NRXN3: variants seen among roughly 807,000 people sequenced by gnomAD.
NRXN3 encodes neurexin III.
Under a neutral mutation model 137.6 loss-of-function variants are expected in NRXN3, and 32 were observed. The ratio of observed to expected loss-of-function variants is 0.23; its 90% confidence interval spans 0.18 to 0.31. The LOEUF (loss-of-function observed/expected upper bound fraction) is 0.31. NRXN3 is among the 10% of genes least tolerant of loss of function. The probability of loss-of-function intolerance (pLI) is 1.00; values close to 1 mark genes in which losing one functional copy is unlikely to be tolerated. For missense variants in NRXN3, 1,574 were observed against 2,062.5 expected, an observed-to-expected ratio of 0.76 and a Z score of 4.59; for synonymous variants, 798 against 784.5, an observed-to-expected ratio of 1.02 and a Z score of -0.29.
At chr14:79,465,334 T>A (rs1242037609) in intron 15 of NRXN3, among the ~76,000 whole-genome samples, 1 of 152,204 alleles carries the variant, frequency 6.6e-6, no homozygotes, top group Non-Finnish European at 1.5e-5. Flanking sequence ...AGACTTTGCA[T>A]ACCACAATTC....
At chr14:79,392,226 T>C (rs1181822951) in intron 15 of NRXN3, among the ~76,000 whole-genome samples, 1 of 152,190 alleles carries the variant, frequency 6.6e-6, no homozygotes, top group African/African-American at 2.4e-5. Context: ...CTCCCACTTA[T>C]GAGTGAGAAC....
In NRXN3 at chr14:78,926,647, TAA is replaced by T. The variant is rs1421344293; in HGVS notation, c.2276-30594_2276-30593del. On this transcript the variant is annotated intron_variant, in intron 10 of 20. Coordinates refer to ENST00000335750, the MANE Select transcript of NRXN3 (RefSeq NM_001330195.2). ...TTTATATATAATATATATTTATATATAATATATATATTTATTATATATATAAT... is the reference window on the plus strand; with the variant it reads ...TTTATATATAATATATATTTATATATTATATATATTTATTATATATATAAT... 8.3e-5 allele frequency among the ~76,000 whole-genome samples: 8 copies of T among 96,008 alleles called. 1 individual carries two copies. In the South Asian group the frequency reaches 1.3e-3, roughly 16 times the overall value. 63.0% of individuals were successfully genotyped at this position (96,008 alleles called of 152,430 possible).
chr14:78,807,724 G>T (rs2098882785), intron 9 of NRXN3, among the ~76,000 whole-genome samples: 1 of 134,118 alleles, frequency 7.5e-6, no homozygotes, highest in African/African-American at 3.0e-5. Flanking sequence ...AATAAAGTGA[G>T]ATTCTGTCTC....
intron 3 of NRXN3, among the ~76,000 whole-genome samples, chr14:78,288,459 A>G (rs1051499647): frequency 6.6e-6 from 1 of 152,142 alleles, no homozygotes; most frequent in African/African-American, 2.4e-5. Context: ...GGACTTGTGC[A>G]GTTGGTTTAT....
chr14:78,961,336 C>T (rs960291524), intron 11 of NRXN3, among the ~76,000 whole-genome samples: 6 of 151,934 alleles, frequency 3.9e-5, no homozygotes, highest in Admixed American at 3.3e-4. Flanking sequence ...ACCTTGACCC[C>T]AAAGCAAATG....
At chr14:79,145,419 A>G (rs1312454781) in intron 15 of NRXN3, among the ~76,000 whole-genome samples, 1 of 152,138 alleles carries the variant, frequency 6.6e-6, no homozygotes, top group Non-Finnish European at 1.5e-5. Context: ...TCCACTTTTG[A>G]TACTCAGAAT....
chr14:78,359,604 A>G (rs2084822391), intron 4 of NRXN3, among the ~76,000 whole-genome samples: 1 of 152,182 alleles, frequency 6.6e-6, no homozygotes, highest in Non-Finnish European at 1.5e-5. Context: ...ATGCCAGCTG[A>G]TGGTCCTCTT....
chr14:79,136,485 C>G (rs2058241908), intron 15 of NRXN3, among the ~76,000 whole-genome samples: 1 of 152,192 alleles, frequency 6.6e-6, no homozygotes, highest in Non-Finnish European at 1.5e-5. Flanking sequence ...CTCTACTTCT[C>G]TGTTTCCCAA....
chr14:78,603,308 A>AT (rs919405605), intron 4 of NRXN3, among the ~76,000 whole-genome samples: 2 of 151,898 alleles, frequency 1.3e-5, no homozygotes, highest in African/African-American at 4.8e-5. Flanking sequence ...GTTTTGATAT[A>AT]TTTTTTCTTG....
At chr14:79,021,373 C>T (rs567678145) in intron 15 of NRXN3, among the ~76,000 whole-genome samples, 42 of 152,320 alleles carry the variant, frequency 2.8e-4, no homozygotes, top group African/African-American at 1.0e-3. Context: ...TCTTCAGCTT[C>T]ATGCTGGCTT....
intron 1 of NRXN3, among the ~76,000 whole-genome samples, chr14:78,205,636 G>A (rs182292103): frequency 5.0e-4 from 76 of 152,346 alleles, no homozygotes; most frequent in Admixed American, 3.8e-3. Flanking sequence ...AGGGACAGCA[G>A]GGTGCATTAG....
intron 11 of NRXN3, among the ~76,000 whole-genome samples, chr14:78,961,477 CA>C (rs375720223): frequency 6.6e-6 from 1 of 151,718 alleles, no homozygotes; most frequent in African/African-American, 2.4e-5. Context: ...CATTCTCACA[CA>C]AAAAAAGAGA....
At chr14:78,709,910 T>G (rs906865783) in intron 7 of NRXN3, 1 of 471,982 alleles carries the variant, frequency 2.1e-6, no homozygotes, top group African/African-American at 2.0e-5. Context: ...GAGCTAAGGA[T>G]GGTTTTACAA....
chr14:79,828,637 AAAAG>A, intron 20 of NRXN3, among the ~76,000 whole-genome samples: 1 of 121,576 alleles, frequency 8.2e-6, no homozygotes, highest in Non-Finnish European at 1.6e-5. Context: ...AAAAAAAAAA[AAAAG>A]TAAAATTGTC....
At position 79,207,454 on chromosome 14, in the gene NRXN3, A is replaced by G. The variant is rs191380435; in HGVS notation, c.3262+219313A>G. Among the ~76,000 whole-genome samples the G allele has an allele frequency of 8.8e-4, 134 of 152,326 alleles. 1 individual carries two copies. Among genetic ancestry groups the G allele is most frequent in the African/African-American group, 3.1e-3 (130 of 41,574 alleles). ...GGAATAGCAAGCATTTCAAAGGAAA[A>G]TGAGGCTGTCCCTTCTGAGGATTTC... On this transcript the variant is annotated intron_variant, in intron 15 of 20. Transcript: ENST00000335750.
At chr14:78,307,576 A>G (rs575557544) in intron 4 of NRXN3, among the ~76,000 whole-genome samples, 1 of 152,238 alleles carries the variant, frequency 6.6e-6, no homozygotes, top group South Asian at 2.1e-4. Flanking sequence ...GTTTCCCTCT[A>G]TACAAAGAGA....
intron 10 of NRXN3, among the ~76,000 whole-genome samples, chr14:78,856,571 T>G (rs975293931): frequency 6.6e-6 from 1 of 152,168 alleles, no homozygotes; most frequent in African/African-American, 2.4e-5. Flanking sequence ...CTTATACGTT[T>G]TTCCAGAGGA....
chr14:78,391,147 G>A (rs1445603870), intron 4 of NRXN3, among the ~76,000 whole-genome samples: 2 of 152,128 alleles, frequency 1.3e-5, no homozygotes, highest in African/African-American at 4.8e-5. Context: ...ATTCTATGGT[G>A]CATATGTACC....
intron 15 of NRXN3, among the ~76,000 whole-genome samples, chr14:79,322,880 GA>G (rs1162969091): frequency 6.6e-6 from 1 of 152,178 alleles, no homozygotes; most frequent in Non-Finnish European, 1.5e-5. Context: ...TCACAAACAA[GA>G]AGGCATTCTG....
Sources: allele counts gnomAD v4.1 joint callset (sites outside exome capture counted in the v4.1 genomes callset), GRCh38; gene constraint gnomAD v4.1.1; transcripts MANE v1.5; gene names NCBI Gene and HGNC (gene_info 2026-07-23, HGNC 2026-07-21).